Variants in TGFBR3 observed in about 807,000 individuals in gnomAD.
The protein encoded by TGFBR3 is transforming growth factor beta receptor 3.
A neutral mutation model predicts 87.9 loss-of-function variants in TGFBR3; 46 were observed. The observed-to-expected ratio is 0.52, with a 90% CI of 0.41 to 0.67. The LOEUF (loss-of-function observed/expected upper bound fraction) is 0.67, where lower values mean the gene tolerates loss of function less well. TGFBR3 is among the 30% of genes least tolerant of loss of function. The pLI is 0.00. For synonymous variants in TGFBR3, 381 were observed against 391.6 expected (o/e 0.97, Z 0.32); for missense variants, 866 against 1,041.9 (o/e 0.83, Z 2.32).
chr1:91,835,075 G>A (rs990654646), intron 2 of TGFBR3, among the ~76,000 whole-genome samples: 1 of 152,132 alleles, frequency 6.6e-6, no homozygotes, highest in African/African-American at 2.4e-5. Context: ...GGGGCCCAGA[G>A]ACCCAGCCAC....
At chr1:91,891,000 C>T (rs1188762222), upstream of TGFBR3, among the ~76,000 whole-genome samples, 7 of 151,738 alleles carry the variant, frequency 4.6e-5, no homozygotes, top group East Asian at 1.2e-3. Flanking sequence ...TGAGTTCAAG[C>T]GATTTTCCTG....
At chr1:91,803,384 C>T (rs1675711946) in intron 2 of TGFBR3, among the ~76,000 whole-genome samples, 1 of 152,162 alleles carries the variant, frequency 6.6e-6, no homozygotes, top group African/African-American at 2.4e-5. Context: ...CTGCCATTTC[C>T]TTCTGACTGC....
chr1:91,763,250 T>C (rs1557698014), intron 3 of TGFBR3, among the ~76,000 whole-genome samples: 2 of 152,216 alleles, frequency 1.3e-5, no homozygotes, highest in Admixed American at 6.5e-5. Flanking sequence ...GACCCCCTAC[T>C]TCTGGGGTTC....
intron 1 of TGFBR3, among the ~76,000 whole-genome samples, chr1:91,884,955 TCG>T (rs1385171795): frequency 4.6e-5 from 7 of 152,242 alleles, no homozygotes; most frequent in Admixed American, 1.3e-4. Context: ...TCCTCTGCCC[TCG>T]CCGCTCCTAT....
chr1:91,817,248 A>C (rs1409531286), intron 2 of TGFBR3, among the ~76,000 whole-genome samples: 1 of 152,208 alleles, frequency 6.6e-6, no homozygotes, highest in Non-Finnish European at 1.5e-5. Flanking sequence ...ATCATAAAGA[A>C]CATAACGTTC....
At chr1:91,827,391 A>G (rs1278961283) in intron 2 of TGFBR3, among the ~76,000 whole-genome samples, 1 of 152,196 alleles carries the variant, frequency 6.6e-6, no homozygotes, top group Non-Finnish European at 1.5e-5. Context: ...AGTCCTTGGG[A>G]TAGCAGGAAT....
chr1:91,740,368 ATTT>A (rs780530073), intron 4 of TGFBR3, among the ~76,000 whole-genome samples: 1 of 133,634 alleles, frequency 7.5e-6, no homozygotes, highest in African/African-American at 2.8e-5. Context: ...TGGGATTACA[ATTT>A]TTTTTTTTTT....
rs762263808 is a variant in TGFBR3, at chr1:91,683,245, G to A, written c.*494C>T. 8 of 454,736 alleles carry A rather than the reference G, an allele frequency of 1.8e-5. No homozygotes were observed. Among genetic ancestry groups the A allele is most frequent in the South Asian group, 1.2e-4 (8 of 64,484 alleles). 28.2% of individuals were successfully genotyped at this position (454,736 alleles called of 1,614,324 possible). On this transcript the variant is annotated 3_prime_UTR_variant, in exon 17 of 17. Transcript: ENST00000212355. ...CCAGACAAAGGTGCAAATTAGACAG[G>A]AGGATCGCTTAGAAAGCCTCAAAGC...
intron 3 of TGFBR3, among the ~76,000 whole-genome samples, chr1:91,764,733 T>C (rs188238283): frequency 6.6e-6 from 1 of 152,290 alleles, no homozygotes; most frequent in Admixed American, 6.5e-5. Flanking sequence ...ATAGGTTGTG[T>C]GAATGGGGTA....
intron 2 of TGFBR3, among the ~76,000 whole-genome samples, chr1:91,853,300 G>C (rs573531399): frequency 1.4e-5 from 2 of 147,656 alleles, no homozygotes; most frequent in South Asian, 4.3e-4. Context: ...AAGAAAAAAA[G>C]GGGAGGGGGC....
chr1:91,699,030 G>C (rs566571355), intron 14 of TGFBR3, among the ~76,000 whole-genome samples: 7 of 150,778 alleles, frequency 4.6e-5, no homozygotes, highest in Non-Finnish European at 7.4e-5. Context: ...TTATAACCCT[G>C]ACTAAACCCC....
upstream of TGFBR3, among the ~76,000 whole-genome samples, chr1:91,888,431 G>A (rs1207864741): frequency 6.6e-6 from 1 of 152,196 alleles, no homozygotes; most frequent in African/African-American, 2.4e-5. Context: ...GGCCAGGTGA[G>A]GTGGCTCATG....
At chr1:91,749,234 A>C (rs2100866030) in intron 4 of TGFBR3, among the ~76,000 whole-genome samples, 1 of 152,314 alleles carries the variant, frequency 6.6e-6, no homozygotes, top group South Asian at 2.1e-4. Context: ...CTCTGTGATA[A>C]AGATGGAAAG....
Position 91,698,124 on chromosome 1 carries a change from C to G in TGFBR3, c.2294G>C (p.Gly765Ala), listed in dbSNP as rs1246784428. Reference sequence around the variant, plus strand: ...TGGATTTGGTTCCTTCATGCTTGGACCTTTTTCTGAAACAAAAACATAAAT... The same window carrying G: ...TGGATTTGGTTCCTTCATGCTTGGAGCTTTTTCTGAAACAAAAACATAAAT... ...IHHEAESKEK[G>A]PSMKEPNPIS... The change falls in exon 15 of 17, where the codon GGT (glycine) becomes GCT (alanine). Residue 765 changes from glycine (G) to alanine (A), a missense_variant. By Grantham distance (60) the Gly-to-Ala change is moderately conservative. Coordinates refer to ENST00000212355, the MANE Select transcript of TGFBR3 (RefSeq NM_003243.5). The G allele has an allele frequency of 3.1e-6, 5 of 1,613,872 alleles. No individual in the cohort carries two copies. Among genetic ancestry groups the G allele is most frequent in the Non-Finnish European group, 3.4e-6 (4 of 1,179,774 alleles).
chr1:91,885,915 C>G lies in TGFBR3; in HGVS notation c.-151G>C. On this transcript the variant is annotated 5_prime_UTR_variant, in exon 1 of 17. Coordinates refer to ENST00000212355, the MANE Select transcript of TGFBR3 (RefSeq NM_003243.5). Reference sequence around the variant, plus strand: ...GTGTCCAGCGGAGATCCACCCGCAGCAAGTTGGAGGAAAGCGGCGGCAAGT... The same window carrying G: ...GTGTCCAGCGGAGATCCACCCGCAGGAAGTTGGAGGAAAGCGGCGGCAAGT... 4.6e-6 allele frequency: 2 copies of G among 438,290 alleles called. No individual in the cohort carries two copies. The highest frequency in any genetic ancestry group is 3.3e-5 in the South Asian group (2 of 60,872). The allele number at this position is 438,290 out of a possible 1,614,324, so 27.2% of individuals were successfully genotyped here.
At chr1:91,764,763 A>G (rs1674112469) in intron 3 of TGFBR3, among the ~76,000 whole-genome samples, 1 of 152,198 alleles carries the variant, frequency 6.6e-6, no homozygotes, top group African/African-American at 2.4e-5. Context: ...TCACTAACAC[A>G]CCGCAGCCTT....
intron 16 of TGFBR3, among the ~76,000 whole-genome samples, chr1:91,685,565 G>T (rs1388426240): frequency 6.6e-6 from 1 of 151,972 alleles, no homozygotes; most frequent in Non-Finnish European, 1.5e-5. Flanking sequence ...CTCGTGATCG[G>T]CCCACCTTGG....
At chr1:91,878,844 C>G (rs1678961401) in intron 1 of TGFBR3, among the ~76,000 whole-genome samples, 2 of 152,180 alleles carry the variant, frequency 1.3e-5, no homozygotes, top group Admixed American at 1.3e-4. Flanking sequence ...CAAACAACAC[C>G]CAACTCCAAA....
At chr1:91,702,083 T>C (rs552951971) in intron 14 of TGFBR3, among the ~76,000 whole-genome samples, 6 of 152,218 alleles carry the variant, frequency 3.9e-5, no homozygotes, top group Admixed American at 1.3e-4. Context: ...GCTACTAGCA[T>C]GTAGTGGGTA....
Sources: allele counts gnomAD v4.1 joint callset (sites outside exome capture counted in the v4.1 genomes callset), GRCh38; gene constraint gnomAD v4.1.1; transcripts MANE v1.5; gene names NCBI Gene and HGNC (gene_info 2026-07-23, HGNC 2026-07-21).